The following TMEM201 variants were observed in gnomAD, a reference collection of about 807,000 sequenced individuals.
TMEM201 encodes transmembrane protein 201.
A neutral mutation model predicts 63.4 loss-of-function variants in TMEM201; 26 were observed. That is an observed-to-expected ratio of 0.41 (90% confidence interval 0.30 to 0.57). TMEM201 has a LOEUF of 0.57. Among genes scored for constraint, TMEM201 ranks in the 20% least tolerant of loss-of-function variants. The pLI is 0.29. For synonymous variants in TMEM201, 417 were observed against 421.6 expected, an observed-to-expected ratio of 0.99 and a Z score of 0.14; for missense variants, 794 against 917.7, an observed-to-expected ratio of 0.87 and a Z score of 1.74.
rs1055935407 is a variant in TMEM201 at position 9,603,345 on chromosome 1, G to A, written c.1160+1073G>A. ...TCAGTGGGTGTGGGGATCACATGAGGTGGCTCATGAGGACACACTCTGGAA... is the reference window on the plus strand; with the variant it reads ...TCAGTGGGTGTGGGGATCACATGAGATGGCTCATGAGGACACACTCTGGAA... On this transcript the variant is annotated intron_variant, in intron 6 of 10. Coordinates refer to ENST00000340381, the MANE Select transcript of TMEM201 (RefSeq NM_001130924.3). The surrounding 1 kb of genome is among the most constrained non-coding windows in gnomAD (Gnocchi z 4.5). The A allele has an allele frequency of 9.1e-6, 9 of 985,110 alleles. No individual in the cohort carries two copies. In the African/African-American group the frequency reaches 1.4e-4, roughly 15 times the overall value. The allele number at this position is 985,110 out of a possible 1,614,324, so 61.0% of individuals were successfully genotyped here.
At position 9,605,758 on chromosome 1, in the gene TMEM201, G is replaced by A. The variant is rs573301609; in HGVS notation, c.1161-1799G>A. On this transcript the variant is annotated intron_variant, in intron 6 of 10. Coordinates refer to ENST00000340381, the MANE Select transcript of TMEM201 (RefSeq NM_001130924.3). This position sits in a 1 kb window ranked among gnomAD's most constrained non-coding sequence, Gnocchi z 5.7. ...AGCCTTTAAGCACTGAGGCAGCCCC[G>A]GGTGGTGTGAGCAGGAGCTGGGAGG... Among the ~76,000 whole-genome samples the A allele has an allele frequency of 2.6e-5, 4 of 152,326 alleles. No homozygotes were observed. Among genetic ancestry groups the A allele is most frequent in the East Asian group, 1.9e-4 (1 of 5,190 alleles).
chr1:9,611,920 G>T (rs1396245970), intron 10 of TMEM201, 30 bp downstream of exon 10: 2 of 1,514,760 alleles, frequency 1.3e-6, no homozygotes, highest in Middle Eastern at 1.8e-4. Flanking sequence ...GGAGGGGAGG[G>T]GGTGGGCACA....
At chr1:9,595,552 A>T (rs1425333992) in intron 1 of TMEM201, among the ~76,000 whole-genome samples, 2 of 151,966 alleles carry the variant, frequency 1.3e-5, no homozygotes, top group Admixed American at 6.5e-5. Context: ...GGCCACCAGG[A>T]GCAGGTGGCC....
chr1:9,603,527 C>T lies in TMEM201; in HGVS notation c.1160+1255C>T, dbSNP rs2100500140. ...ATGTCCTGCCACTCGCCACTCTGAG[C>T]ACGAGTTCACCTTCCAGATGTGGCC... On this transcript the variant is annotated intron_variant, in intron 6 of 10. Coordinates refer to ENST00000340381, the MANE Select transcript of TMEM201 (RefSeq NM_001130924.3). This position sits in a 1 kb window ranked among gnomAD's most constrained non-coding sequence, Gnocchi z 4.5. 1.0e-6 allele frequency: 1 copy of T among 985,578 alleles called. No individual in the cohort carries two copies. The highest frequency in any genetic ancestry group is 1.2e-6 in the Non-Finnish European group (1 of 830,036). The allele number at this position is 985,578 out of a possible 1,614,324, so 61.1% of individuals were successfully genotyped here.
chr1:9,600,968 A>C, intron 4 of TMEM201, 137 bp from the exon 5 acceptor site: 1 of 686,654 alleles, frequency 1.5e-6, no homozygotes, highest in Non-Finnish European at 2.4e-6. Flanking sequence ...GGTGGAACTG[A>C]GTGGTGAGTT....
chr1:9,609,932 A>G (rs1452139400), intron 8 of TMEM201, 21 bp downstream of exon 8: 1 of 1,550,668 alleles, frequency 6.4e-7, no homozygotes, highest in African/African-American at 1.4e-5. Context: ...CAGAGAGCTA[A>G]GTGGGGGACG....
chr1:9,613,054 T>G lies in TMEM201; in HGVS notation c.1972T>G (p.Ser658Ala), dbSNP rs1644346602. The G allele has an allele frequency of 1.3e-6, 2 of 1,551,170 alleles. No homozygotes were observed. The highest frequency in any genetic ancestry group is 1.4e-5 in the African/African-American group (1 of 73,056). The change falls in exon 11 of 11, where the codon TCG becomes GCG. Residue 658 changes from serine (S) to alanine (A), a missense_variant. Coordinates refer to ENST00000340381, the MANE Select transcript of TMEM201 (RefSeq NM_001130924.3). Reference sequence around the variant, plus strand: ...CTTGGCCGCCAACGCCCTGTTCACCTCGGTGTTTCTGTACCAGAGCCTGCG... The same window carrying G: ...CTTGGCCGCCAACGCCCTGTTCACCGCGGTGTTTCTGTACCAGAGCCTGCG... ...VSLAANALFT[S>A]VFLYQSLR is the part of the protein sequence containing the mutation.
rs530966188 is a variant in TMEM201, at chr1:9,603,556, G to T, written c.1160+1284G>T. 1 of 985,558 alleles carries T rather than the reference G, an allele frequency of 1.0e-6. No homozygotes were observed. The highest frequency in any genetic ancestry group is 1.1e-4 in the East Asian group (1 of 8,828). The allele number at this position is 985,558 out of a possible 1,614,324, so 61.1% of individuals were successfully genotyped here. ...AGTTCACCTTCCAGATGTGGCCAGG[G>T]TGTGCCAGCTCCTCTCTCCTGTGCG... is the stretch of plus-strand genomic sequence containing the variant. On this transcript the variant is annotated intron_variant, in intron 6 of 10. Coordinates refer to ENST00000340381, the MANE Select transcript of TMEM201 (RefSeq NM_001130924.3). This position sits in a 1 kb window ranked among gnomAD's most constrained non-coding sequence, Gnocchi z 4.5.
intron 2 of TMEM201, 73 bp downstream of exon 2, chr1:9,596,083 CCT>C (rs1644014654): frequency 6.4e-7 from 1 of 1,559,208 alleles, no homozygotes; most frequent in South Asian, 1.2e-5. Context: ...TTGAGACCAC[CCT>C]GTGTCCCTGC....
At position 9,611,816 on chromosome 1, in the gene TMEM201, A is replaced by ACTCTTCC. The variant is rs1434771940; in HGVS notation, c.1831_1837dup (p.Gln613LeufsTer96). 6.5e-7 allele frequency: 1 copy of ACTCTTCC among 1,549,050 alleles called. No individual in the cohort carries two copies. The highest frequency in any genetic ancestry group is 2.0e-5 in the Admixed American group (1 of 50,742). ...AACCGCTCCATCAAGAAAGAGGACG[A>ACTCTTCC]CTCTTCCCAGTCATCTACCTGTGTG... On this transcript the variant is annotated frameshift_variant, in exon 10 of 11. Transcript: ENST00000340381. LOFTEE classifies it high-confidence loss of function.
intron 9 of TMEM201, among the ~76,000 whole-genome samples, chr1:9,611,436 G>A (rs2100528550): frequency 6.6e-6 from 1 of 152,328 alleles, no homozygotes; most frequent in African/African-American, 2.4e-5. Context: ...GATCTCAAGT[G>A]ACCCACCCAT....
intron 6 of TMEM201, 39 bp downstream of exon 6, chr1:9,602,311 G>C: frequency 6.2e-7 from 1 of 1,603,404 alleles, no homozygotes. Flanking sequence ...GAGGACACAC[G>C]GATGCTCAGG....
At chr1:9,611,404 CCCAGG>C (rs1644322703) in intron 9 of TMEM201, among the ~76,000 whole-genome samples, 1 of 152,168 alleles carries the variant, frequency 6.6e-6, no homozygotes. Context: ...CACCATGTTT[CCCAGG>C]CTGGTCTTGA....
rs1345828199 is a variant in TMEM201, at chr1:9,613,157, C to G, written c.*74C>G. On this transcript the variant is annotated 3_prime_UTR_variant, in exon 11 of 11. Coordinates refer to ENST00000340381, the MANE Select transcript of TMEM201 (RefSeq NM_001130924.3). ...CACCACTGCCGGCCTCAGGACCCTC[C>G]CTGGAGGGGCTGCCACCTCTGCCCT... 7.0e-7 allele frequency: 1 copy of G among 1,435,034 alleles called. No individual in the cohort carries two copies. The highest frequency in any genetic ancestry group is 2.0e-5 in the Admixed American group (1 of 50,686). The allele number at this position is 1,435,034 out of a possible 1,614,324, so 88.9% of individuals were successfully genotyped here. A position where few individuals can be genotyped will look rare whatever the true frequency, so the allele number is the denominator to read the frequency against.
rs1178697403 is a variant in TMEM201, at chr1:9,608,107, G to C, written c.1393+318G>C. ...GTTGTTTTAATTAACTGGGCATGGTGGCGTACACCTATAGTCCCAGCTATT... is the reference window on the plus strand; with the variant it reads ...GTTGTTTTAATTAACTGGGCATGGTCGCGTACACCTATAGTCCCAGCTATT... On this transcript the variant is annotated intron_variant, in intron 7 of 10. Transcript: ENST00000340381. The surrounding 1 kb of genome is among the most constrained non-coding windows in gnomAD (Gnocchi z 4.3). Among the ~76,000 whole-genome samples, 1 of 152,180 alleles carries C rather than the reference G, an allele frequency of 6.6e-6. No homozygotes were observed. The highest frequency in any genetic ancestry group is 1.5e-5 in the Non-Finnish European group (1 of 68,038).
At chr1:9,596,797 A>G (rs1644028440) in intron 2 of TMEM201, 62 bp from the exon 3 acceptor site, 4 of 1,514,710 alleles carry the variant, frequency 2.6e-6, no homozygotes, top group South Asian at 1.3e-5. Flanking sequence ...CCCCAGGGAC[A>G]TCACCAAGCC....
chr1:9,588,923 G>A lies in TMEM201; in HGVS notation c.-8G>A. 1 of 1,261,782 alleles carries A rather than the reference G, an allele frequency of 7.9e-7. No individual in the cohort carries two copies. Among genetic ancestry groups the A allele is most frequent in the African/African-American group, 1.6e-5 (1 of 62,572 alleles). 78.2% of individuals were successfully genotyped at this position (1,261,782 alleles called of 1,614,324 possible). A position where few individuals can be genotyped will look rare whatever the true frequency, so the allele number is the denominator to read the frequency against. Reference sequence around the variant, plus strand: ...CTGCCGGCCTGCCGTCCTTCCACGCGGAGAGCCATGGAGGGAGTGAGCGCG... The same window carrying A: ...CTGCCGGCCTGCCGTCCTTCCACGCAGAGAGCCATGGAGGGAGTGAGCGCG... On this transcript the variant is annotated 5_prime_UTR_variant, in exon 1 of 11. Coordinates refer to ENST00000340381, the MANE Select transcript of TMEM201 (RefSeq NM_001130924.3).
intron 3 of TMEM201, 29 bp from the exon 4 acceptor site, chr1:9,598,420 A>G: frequency 6.3e-7 from 1 of 1,596,482 alleles, no homozygotes; most frequent in Non-Finnish European, 8.6e-7. Context: ...ACCCCTGCAG[A>G]TGCCGAGCCT....
At chr1:9,595,842 C>T (rs1043409955) in intron 1 of TMEM201, 48 bp from the exon 2 acceptor site, 1 of 1,608,614 alleles carries the variant, frequency 6.2e-7, no homozygotes, top group African/African-American at 1.3e-5. Flanking sequence ...CCCTCTCCAG[C>T]AGGTGCTGGG....
Sources: gnomAD v4.1 joint callset for allele counts (sites outside exome capture counted in the v4.1 genomes callset) on GRCh38, gnomAD v4.1.1 for gene constraint, Gnocchi (gnomAD v3.1) non-coding constraint, MANE v1.5 for transcripts, NCBI Gene and HGNC (gene_info 2026-07-23, HGNC 2026-07-21) for gene names.